The following THADA variants were observed in gnomAD, a reference collection of about 807,000 sequenced individuals.
THADA encodes the protein tRNA (32-2'-O)-methyltransferase regulator THADA.
Under a neutral mutation model 219.8 loss-of-function variants are expected in THADA, and 213 were observed. The ratio of observed to expected loss-of-function variants is 0.97; its 90% CI spans 0.87 to 1.09. The LOEUF (loss-of-function observed/expected upper bound fraction) is 1.09. Ranked by LOEUF, THADA falls within the 50% of genes least tolerant of loss-of-function variation. The pLI, the probability that THADA is intolerant of heterozygous loss-of-function variation, is 0.00. For synonymous variants in THADA, 1,018 were observed against 828.9 expected (o/e 1.23, Z -3.92); for missense variants, 2,956 against 2,311.3 (o/e 1.28, Z -5.72).
intron 26 of THADA, among the ~76,000 whole-genome samples, chr2:43,451,974 G>A (rs1354569006): frequency 6.6e-6 from 1 of 152,118 alleles, no homozygotes; most frequent in Non-Finnish European, 1.5e-5. Context: ...GGGCGTGATG[G>A]CGCATACCTG....
chr2:43,535,691 A>AG (rs1694497519), intron 21 of THADA, among the ~76,000 whole-genome samples: 2 of 151,576 alleles, frequency 1.3e-5, no homozygotes, highest in East Asian at 1.9e-4. Flanking sequence ...AAAAAAAAAA[A>AG]AAAAAAAAAG....
chr2:43,247,732 A>G (rs1669306848), intron 36 of THADA, among the ~76,000 whole-genome samples: 1 of 147,724 alleles, frequency 6.8e-6, no homozygotes, highest in African/African-American at 2.6e-5. Context: ...CGTCTCAAAA[A>G]AAAAAAAAAA....
chr2:43,472,107 G>A (rs1233723116), intron 26 of THADA, among the ~76,000 whole-genome samples: 9 of 152,158 alleles, frequency 5.9e-5, no homozygotes, highest in Non-Finnish European at 1.5e-5. Context: ...AGTTTCCAGA[G>A]AAAGAAACCT....
At chr2:43,449,707 T>C (rs1304330144) in intron 26 of THADA, among the ~76,000 whole-genome samples, 1 of 152,158 alleles carries the variant, frequency 6.6e-6, no homozygotes, top group African/African-American at 2.4e-5. Context: ...AGGTCAAAGC[T>C]GCAGTGGGCT....
At chr2:43,430,086 A>G in intron 27 of THADA, 127 bp downstream of exon 27, 1 of 504,688 alleles carries the variant, frequency 2.0e-6, no homozygotes, top group South Asian at 4.4e-5. Flanking sequence ...TGTCTCAAGG[A>G]AAAAATTTAA....
chr2:43,315,946 CT>C (rs964522080), intron 31 of THADA, among the ~76,000 whole-genome samples: 1 of 152,220 alleles, frequency 6.6e-6, no homozygotes, highest in Non-Finnish European at 1.5e-5. Context: ...GCTCCTTGGA[CT>C]TTGGCCTGTG....
At chr2:43,460,959 T>G (rs916334799) in intron 26 of THADA, among the ~76,000 whole-genome samples, 1 of 152,022 alleles carries the variant, frequency 6.6e-6, no homozygotes, top group Non-Finnish European at 1.5e-5. Flanking sequence ...GGGGAGGCTG[T>G]AGGAGGAGGA....
At chr2:43,302,640 C>T (rs1676399004) in intron 31 of THADA, among the ~76,000 whole-genome samples, 3 of 151,952 alleles carry the variant, frequency 2.0e-5, no homozygotes. Context: ...TTTTATTTTG[C>T]AAAGGATGTT....
intron 34 of THADA, 135 bp from the exon 35 acceptor site, chr2:43,287,196 G>T: frequency 1.4e-6 from 1 of 721,922 alleles, no homozygotes; most frequent in Non-Finnish European, 2.2e-6. Context: ...TTTTTTAGTT[G>T]CTTTTCGATT....
At chr2:43,438,705 C>T (rs1308207226) in intron 26 of THADA, among the ~76,000 whole-genome samples, 3 of 152,150 alleles carry the variant, frequency 2.0e-5, no homozygotes, top group Non-Finnish European at 4.4e-5. Context: ...TACAGTAGTC[C>T]CCCCCTTATC....
intron 26 of THADA, among the ~76,000 whole-genome samples, chr2:43,459,017 A>G (rs1683331164): frequency 6.6e-6 from 1 of 152,194 alleles, no homozygotes; most frequent in Non-Finnish European, 1.5e-5. Context: ...CATTATTCTA[A>G]CAAACAAAAT....
At chr2:43,555,759 A>C (rs958791579) in intron 17 of THADA, among the ~76,000 whole-genome samples, 7 of 152,074 alleles carry the variant, frequency 4.6e-5, no homozygotes, top group Non-Finnish European at 7.4e-5. Context: ...CTCTCTTTCT[A>C]TATCTGATCT....
At chr2:43,394,888 C>T (rs908837547) in intron 29 of THADA, among the ~76,000 whole-genome samples, 1 of 152,320 alleles carries the variant, frequency 6.6e-6, no homozygotes, top group African/African-American at 2.4e-5. Context: ...GCCCTTCATC[C>T]CACCAACACT....
rs1376802769 is a variant in THADA, at chr2:43,578,508, C to T, written c.816+5G>A. 1 of 1,602,146 alleles carries T rather than the reference C, an allele frequency of 6.2e-7. No homozygotes were observed. ...AGTACAATTCTAAAAAGGAGATGCA[C>T]TTACCAAATGAGGAATCTTTTCAGA... On this transcript the variant is annotated splice_donor_5th_base_variant and intron_variant, in intron 9 of 37. Transcript: ENST00000405975.
intron 20 of THADA, among the ~76,000 whole-genome samples, chr2:43,548,679 G>A (rs534025425): frequency 3.3e-5 from 5 of 152,308 alleles, no homozygotes; most frequent in African/African-American, 4.8e-5. Flanking sequence ...AGCCAGGTGC[G>A]GGATATAATC....
intron 36 of THADA, among the ~76,000 whole-genome samples, chr2:43,259,780 A>C (rs1670732972): frequency 2.0e-5 from 3 of 152,232 alleles, no homozygotes. Flanking sequence ...ACACTGTTGA[A>C]AGGAATACCT....
At chr2:43,513,117 T>G (rs1330247658) in intron 22 of THADA, among the ~76,000 whole-genome samples, 1 of 152,248 alleles carries the variant, frequency 6.6e-6, no homozygotes, top group African/African-American at 2.4e-5. Flanking sequence ...TTTGCTCTTC[T>G]ATAAAATGAC....
intron 35 of THADA, among the ~76,000 whole-genome samples, chr2:43,286,545 A>G (rs1674032123): frequency 1.3e-5 from 2 of 152,192 alleles, no homozygotes. Context: ...GTTCGAGACC[A>G]GCCTGGCCAA....
At chr2:43,401,705 T>C (rs910703865) in intron 28 of THADA, among the ~76,000 whole-genome samples, 1 of 152,150 alleles carries the variant, frequency 6.6e-6, no homozygotes, top group Non-Finnish European at 1.5e-5. Context: ...AAGGGCATTA[T>C]AAACCTAAAT....
Sources: allele counts gnomAD v4.1 joint callset (sites outside exome capture counted in the v4.1 genomes callset), GRCh38; gene constraint gnomAD v4.1.1; transcripts MANE v1.5; gene names NCBI Gene and HGNC (gene_info 2026-07-23, HGNC 2026-07-21).